POU6F2: variants seen among roughly 807,000 people sequenced by gnomAD.
POU6F2 encodes the protein POU class 6 homeobox 2, also known as POU domain, class 6, transcription factor 2.
In POU6F2, 31 loss-of-function variants were observed where a neutral mutation model predicts 71.3. The observed-to-expected ratio is 0.43, with a 90% CI of 0.33 to 0.59. POU6F2 has a LOEUF of 0.59. Among genes scored for constraint, POU6F2 ranks in the 20% least tolerant of loss-of-function variants. The probability of loss-of-function intolerance (pLI) is 0.04; values close to 1 mark genes in which losing one functional copy is unlikely to be tolerated. For missense variants in POU6F2, 783 were observed against 856.8 expected (o/e 0.91, Z 1.07); for synonymous variants, 347 against 355.7 (o/e 0.98, Z 0.27).
intron 4 of POU6F2, among the ~76,000 whole-genome samples, chr7:39,240,260 C>G (rs979429844): frequency 7.9e-5 from 12 of 152,050 alleles, no homozygotes; most frequent in Admixed American, 3.3e-4. Flanking sequence ...AAGGGAGAAG[C>G]AAGTCACATA....
At chr7:39,300,842 C>G (rs1166051865) in intron 4 of POU6F2, among the ~76,000 whole-genome samples, 2 of 133,852 alleles carry the variant, frequency 1.5e-5, no homozygotes, top group African/African-American at 2.5e-5. Context: ...TGAACACAGT[C>G]ATATTCTGAG....
chr7:39,421,152 G>A (rs550474497), intron 6 of POU6F2, among the ~76,000 whole-genome samples: 5 of 152,116 alleles, frequency 3.3e-5, no homozygotes, highest in African/African-American at 1.2e-4. Flanking sequence ...AATTTTACGA[G>A]AAAAACTCAT....
At chr7:39,399,411 T>C (rs202024358) in intron 5 of POU6F2, among the ~76,000 whole-genome samples, 3 of 152,212 alleles carry the variant, frequency 2.0e-5, no homozygotes, top group East Asian at 3.9e-4. Context: ...TTACCCACAC[T>C]TCTGTCCGAC....
intron 6 of POU6F2, among the ~76,000 whole-genome samples, chr7:39,407,785 T>C (rs1054023534): frequency 4.6e-5 from 7 of 152,178 alleles, no homozygotes; most frequent in African/African-American, 1.7e-4. Flanking sequence ...ATCGTCTCTG[T>C]CTACATTCCA....
intron 6 of POU6F2, among the ~76,000 whole-genome samples, chr7:39,422,454 CT>C (rs2115975456): frequency 6.6e-6 from 1 of 152,264 alleles, no homozygotes; most frequent in South Asian, 2.1e-4. Context: ...TTATAAATAA[CT>C]GTGGGTGGAA....
chr7:39,395,379 C>T (rs895112238), intron 5 of POU6F2, among the ~76,000 whole-genome samples: 3 of 152,194 alleles, frequency 2.0e-5, no homozygotes, highest in Admixed American at 2.0e-4. Context: ...GTTCCTCTCA[C>T]CTTCTCACTG....
At chr7:39,242,465 A>G (rs1490026678) in intron 4 of POU6F2, among the ~76,000 whole-genome samples, 2 of 151,862 alleles carry the variant, frequency 1.3e-5, no homozygotes, top group East Asian at 3.9e-4. Flanking sequence ...CTAATGACTA[A>G]TAATGTTGAC....
intron 1 of POU6F2, among the ~76,000 whole-genome samples, chr7:39,058,735 G>A (rs2128715515): frequency 6.6e-6 from 1 of 152,034 alleles, no homozygotes; most frequent in East Asian, 1.9e-4. Context: ...ACGTAAATGG[G>A]TTTATTTATT....
At chr7:39,023,784 A>G (rs1365916315) in intron 1 of POU6F2, among the ~76,000 whole-genome samples, 8 of 152,138 alleles carry the variant, frequency 5.3e-5, no homozygotes, top group South Asian at 4.1e-4. Flanking sequence ...TATATTTTCT[A>G]TATTATTCCA....
chr7:39,003,988 T>C (rs538719402), intron 1 of POU6F2, among the ~76,000 whole-genome samples: 3 of 152,308 alleles, frequency 2.0e-5, no homozygotes, highest in South Asian at 2.1e-4. Flanking sequence ...TGGAGAATCA[T>C]GTTTTTTTTA....
chr7:39,040,132 AT>A (rs1331748892), intron 1 of POU6F2, among the ~76,000 whole-genome samples: 1 of 13,134 alleles, frequency 7.6e-5, no homozygotes, highest in East Asian at 1.8e-3. Flanking sequence ...ATATATATAT[AT>A]ATAAATCCCA....
intron 5 of POU6F2, among the ~76,000 whole-genome samples, chr7:39,397,347 A>G (rs1372226129): frequency 1.4e-5 from 2 of 148,088 alleles, no homozygotes; most frequent in Admixed American, 6.8e-5. Flanking sequence ...TATAAAATAT[A>G]TAGACATATA....
chr7:39,427,420 A>G (rs1787996980), intron 6 of POU6F2, among the ~76,000 whole-genome samples: 4 of 152,248 alleles, frequency 2.6e-5, no homozygotes, highest in Middle Eastern at 3.4e-3. Context: ...GGCTTTTAAG[A>G]AGCTTTTAGG....
At chr7:39,068,007 G>A (rs998492094) in intron 1 of POU6F2, among the ~76,000 whole-genome samples, 6 of 152,012 alleles carry the variant, frequency 3.9e-5, no homozygotes, top group East Asian at 1.9e-4. Context: ...CTTTTAACCC[G>A]TAATTTCACT....
intron 5 of POU6F2, among the ~76,000 whole-genome samples, chr7:39,384,515 A>G (rs1467144256): frequency 6.6e-6 from 1 of 152,180 alleles, no homozygotes; most frequent in African/African-American, 2.4e-5. Context: ...AAGTAAACAA[A>G]TTTGCCACAT....
At chr7:39,418,487 C>T (rs945831802) in intron 6 of POU6F2, among the ~76,000 whole-genome samples, 5 of 152,076 alleles carry the variant, frequency 3.3e-5, no homozygotes, top group South Asian at 4.2e-4. Flanking sequence ...GTCAGGAATT[C>T]GAGACCAGCC....
intron 1 of POU6F2, among the ~76,000 whole-genome samples, chr7:39,061,726 T>C (rs7779278): frequency 0.067 from 10,256 of 152,252 alleles, 644 homozygotes; most frequent in African/African-American, 0.16. Flanking sequence ...TTTTTCTTTC[T>C]GAAAGCTTAA....
chr7:39,177,754 G>A (rs1354227692), intron 2 of POU6F2, among the ~76,000 whole-genome samples: 1 of 152,046 alleles, frequency 6.6e-6, no homozygotes, highest in Non-Finnish European at 1.5e-5. Flanking sequence ...CAAGTTAGGA[G>A]GTGTCTCATA....
chr7:39,180,283 AT>A (rs1028537938), intron 2 of POU6F2, among the ~76,000 whole-genome samples: 1 of 152,124 alleles, frequency 6.6e-6, no homozygotes, highest in African/African-American at 2.4e-5. Context: ...GAGATATTAG[AT>A]TTTTTTTAAG....
Sources: allele counts gnomAD v4.1 joint callset (sites outside exome capture counted in the v4.1 genomes callset), GRCh38; gene constraint gnomAD v4.1.1; transcripts MANE v1.5; gene names NCBI Gene and HGNC (gene_info 2026-07-23, HGNC 2026-07-21).